ABL2: variants seen among roughly 807,000 people sequenced by gnomAD.
ABL2 encodes ABL proto-oncogene 2, non-receptor tyrosine kinase, also known as tyrosine-protein kinase ABL2.
Under a neutral mutation model 107.7 loss-of-function variants are expected in ABL2, and 49 were observed. That is an observed-to-expected ratio of 0.45 (90% CI 0.36 to 0.58). The LOEUF (loss-of-function observed/expected upper bound fraction) is 0.58. Ranked by LOEUF, ABL2 falls within the 20% of genes least tolerant of loss-of-function variation. The pLI, the probability that ABL2 is intolerant of heterozygous loss-of-function variation, is 0.00. For missense variants in ABL2, 1,245 were observed against 1,457.0 expected, an observed-to-expected ratio of 0.85 and a Z score of 2.37; for synonymous variants, 549 against 548.6, an observed-to-expected ratio of 1.00 and a Z score of -0.01.
chr1:179,117,269 G>C (rs1321873960), intron 8 of ABL2, 63 bp downstream of exon 8: 3 of 1,491,598 alleles, frequency 2.0e-6, no homozygotes, highest in Non-Finnish European at 2.8e-6. Context: ...AAGCTCTAAA[G>C]AATCAAGGCA....
At chr1:179,184,569 A>AGATGAG in intron 1 of ABL2, 1 of 568,120 alleles carries the variant, frequency 1.8e-6, no homozygotes, top group Non-Finnish European at 3.2e-6. Context: ...AAGGAGGAGA[A>AGATGAG]GATGAGGAGG....
At chr1:179,155,267 T>C (rs28914498) in intron 1 of ABL2, among the ~76,000 whole-genome samples, 133 of 152,330 alleles carry the variant, frequency 8.7e-4, no homozygotes, top group African/African-American at 3.1e-3. Context: ...CACGTGATGA[T>C]ATTTAAGAGT....
intron 1 of ABL2, among the ~76,000 whole-genome samples, chr1:179,219,513 C>G (rs1018358644): frequency 6.6e-6 from 1 of 152,348 alleles, no homozygotes; most frequent in Admixed American, 6.5e-5. Context: ...AATGAAGTCT[C>G]TATCAACTTT....
At chr1:179,174,711 T>C (rs954844512) in intron 1 of ABL2, among the ~76,000 whole-genome samples, 4 of 151,250 alleles carry the variant, frequency 2.6e-5, no homozygotes, top group Admixed American at 2.6e-4. Flanking sequence ...CTTTGGGAGG[T>C]TGAGGTGGGC....
intron 1 of ABL2, 136 bp downstream of exon 1, chr1:179,229,105 T>C: frequency 1.8e-6 from 2 of 1,140,568 alleles, no homozygotes; most frequent in Non-Finnish European, 2.4e-6. Context: ...CTGGACCAGA[T>C]GGCAGCGGAT....
chr1:179,141,708 T>A (rs1362405892), intron 1 of ABL2, among the ~76,000 whole-genome samples: 1 of 152,192 alleles, frequency 6.6e-6, no homozygotes, highest in Non-Finnish European at 1.5e-5. Context: ...TCTTCTTTCT[T>A]CCCACTCCTC....
intron 4 of ABL2, among the ~76,000 whole-genome samples, chr1:179,122,956 G>C (rs749039568): frequency 6.6e-6 from 1 of 152,028 alleles, no homozygotes; most frequent in South Asian, 2.1e-4. Flanking sequence ...TACCACGCCC[G>C]GCCAGTCTTC....
In ABL2 at chr1:179,126,755, C is replaced by T; in HGVS notation, c.392-83G>A. On this transcript the variant is annotated intron_variant, in intron 3 of 11. Coordinates refer to ENST00000502732, the MANE Select transcript of ABL2 (RefSeq NM_007314.4). The surrounding 1 kb of genome is among the most constrained non-coding windows in gnomAD (Gnocchi z 4.4). The stretch of plus-strand genomic sequence containing the variant: ...AAGCAGTGTACTGTCAAACTTTAAA[C>T]TCATTAAAAAAAAAAAAGAATCTAG... 1 of 1,257,186 alleles carries T rather than the reference C, an allele frequency of 8.0e-7. No homozygotes were observed. Among genetic ancestry groups the T allele is most frequent in the African/African-American group, 1.5e-5 (1 of 65,342 alleles). The allele number at this position is 1,257,186 out of a possible 1,614,324, so 77.9% of individuals were successfully genotyped here.
chr1:179,203,777 T>C (rs544321289), intron 1 of ABL2, among the ~76,000 whole-genome samples: 32 of 152,286 alleles, frequency 2.1e-4, no homozygotes, highest in Non-Finnish European at 3.2e-4. Flanking sequence ...CACGCTGTTT[T>C]AAATACTGCA....
intron 1 of ABL2, among the ~76,000 whole-genome samples, chr1:179,224,134 CAAAAAAAAAA>C (rs1181284107): frequency 8.7e-5 from 3 of 34,516 alleles, no homozygotes; most frequent in East Asian, 1.4e-3. Flanking sequence ...CTACTCACTA[CAAAAAAAAAA>C]AAAAAAAAAA....
At position 179,108,639 on chromosome 1, in the gene ABL2, A is replaced by G. The variant is rs1418383233; in HGVS notation, c.2628T>C (p.Pro876=). ...CCACTCCAGCCACTCCCACCCCTGG[A>G]GGGTCCTTCTCTGTAATGGCTAGAT... ...SGDLAITEKD[P]PGVGVAGVAA... The change falls in exon 12 of 12, where the codon CCT becomes CCC. Residue 876 remains proline (P), a synonymous_variant. Coordinates refer to ENST00000502732, the MANE Select transcript of ABL2 (RefSeq NM_007314.4). 8 of 1,614,036 alleles carry G rather than the reference A, an allele frequency of 5.0e-6. No individual in the cohort carries two copies. The highest frequency in any genetic ancestry group is 2.7e-5 in the African/African-American group (2 of 74,906).
intron 1 of ABL2, among the ~76,000 whole-genome samples, chr1:179,138,954 C>T (rs1000322193): frequency 6.6e-6 from 1 of 152,242 alleles, no homozygotes; most frequent in Admixed American, 6.5e-5. Context: ...CCAGCCAGCC[C>T]TGTCAGCCCC....
chr1:179,110,784 T>A (rs1430467705), intron 10 of ABL2: 2 of 1,613,894 alleles, frequency 1.2e-6, no homozygotes, highest in Non-Finnish European at 1.7e-6. Flanking sequence ...GCTAGCATCA[T>A]CCTGCTCTGT....
intron 1 of ABL2, among the ~76,000 whole-genome samples, chr1:179,141,115 CAAAAA>C (rs34158477): frequency 1.6e-5 from 1 of 62,912 alleles, no homozygotes. Flanking sequence ...GACTCTGTCT[CAAAAA>C]AAAAAAAAAA....
rs375871495 is a variant in ABL2, at chr1:179,107,030, A to C, written c.*688T>G. 10 of 229,768 alleles carry C rather than the reference A, an allele frequency of 4.4e-5. No homozygotes were observed. Among genetic ancestry groups the C allele is most frequent in the African/African-American group, 2.2e-4 (10 of 45,276 alleles). The allele number at this position is 229,768 out of a possible 1,614,324, so 14.2% of individuals were successfully genotyped here. On this transcript the variant is annotated 3_prime_UTR_variant, in exon 12 of 12. Coordinates refer to ENST00000502732, the MANE Select transcript of ABL2 (RefSeq NM_007314.4). ...CAGACTGGGAGAAGTGACTTCTGCTAATCTGTGTAAGATTTTAGAAGGTTT... is the reference window on the plus strand; with the variant it reads ...CAGACTGGGAGAAGTGACTTCTGCTCATCTGTGTAAGATTTTAGAAGGTTT...
chr1:179,145,058 G>C (rs1657891803), intron 1 of ABL2, among the ~76,000 whole-genome samples: 1 of 152,258 alleles, frequency 6.6e-6, no homozygotes, highest in Non-Finnish European at 1.5e-5. Context: ...ATATAATGAA[G>C]TATTATTTAG....
chr1:179,136,444 T>G (rs1376101861), intron 1 of ABL2, among the ~76,000 whole-genome samples: 2 of 152,172 alleles, frequency 1.3e-5, no homozygotes, highest in East Asian at 3.9e-4. Context: ...ATGTGCTGCA[T>G]CCACTCAGGG....
chr1:179,215,160 CAA>C (rs772472092), intron 1 of ABL2, among the ~76,000 whole-genome samples: 2 of 129,672 alleles, frequency 1.5e-5, no homozygotes, highest in Admixed American at 7.8e-5. Flanking sequence ...ACTCAGTCTC[CAA>C]AAAAAAAAAA....
intron 1 of ABL2, among the ~76,000 whole-genome samples, chr1:179,200,069 CG>C (rs1250276441): frequency 6.6e-5 from 7 of 106,082 alleles, no homozygotes; most frequent in Non-Finnish European, 1.1e-4. Flanking sequence ...TTTTTTAAGA[CG>C]GAGTCTCCCT....
Sources: gnomAD v4.1 joint callset for allele counts (sites outside exome capture counted in the v4.1 genomes callset) on GRCh38, gnomAD v4.1.1 for gene constraint, Gnocchi (gnomAD v3.1) non-coding constraint, MANE v1.5 for transcripts, NCBI Gene and HGNC (gene_info 2026-07-23, HGNC 2026-07-21) for gene names.